The following ENTREP2 variants were observed in gnomAD, a reference collection of about 807,000 sequenced individuals.
The protein encoded by ENTREP2 is protein ENTREP2.
the ENTREP2 span, among the ~76,000 whole-genome samples, chr15:29,128,205 C>T: frequency 0.023 from 3,450 of 152,288 alleles, 134 homozygotes; most frequent in African/African-American, 0.078. Context: ...ACTTGGCCTC[C>T]GTGCCCTTTC....
the ENTREP2 span, among the ~76,000 whole-genome samples, chr15:29,647,992 C>A: frequency 6.6e-6 from 1 of 152,172 alleles, no homozygotes; most frequent in African/African-American, 2.4e-5. Flanking sequence ...CCTCCATGAA[C>A]TTAACAAAAA....
chr15:29,219,111 A>C, the ENTREP2 span, among the ~76,000 whole-genome samples: 4 of 130,140 alleles, frequency 3.1e-5, no homozygotes, highest in African/African-American at 1.0e-4. Flanking sequence ...CAAATCAGTA[A>C]GAAAAAAAAA....
chr15:29,646,934 T>A, the ENTREP2 span, among the ~76,000 whole-genome samples: 1 of 152,202 alleles, frequency 6.6e-6, no homozygotes, highest in Non-Finnish European at 1.5e-5. Context: ...CCCACTTCTC[T>A]ATCCATTGCC....
the ENTREP2 span, among the ~76,000 whole-genome samples, chr15:29,181,272 G>A: frequency 3.3e-5 from 5 of 152,058 alleles, no homozygotes; most frequent in African/African-American, 1.2e-4. Context: ...ACTATCTACT[G>A]ACTGCAAAAG....
At chr15:29,637,079 C>G in the ENTREP2 span, among the ~76,000 whole-genome samples, 1 of 152,270 alleles carries the variant, frequency 6.6e-6, no homozygotes, top group Admixed American at 6.5e-5. Flanking sequence ...CCTCATACAG[C>G]AGAGTCACTG....
At chr15:29,354,421 G>C in the ENTREP2 span, among the ~76,000 whole-genome samples, 3 of 152,222 alleles carry the variant, frequency 2.0e-5, no homozygotes, top group African/African-American at 7.2e-5. Context: ...TGTTTCTCTG[G>C]AGAGTCCTCC....
the ENTREP2 span, among the ~76,000 whole-genome samples, chr15:29,541,509 C>T: frequency 6.6e-6 from 1 of 152,094 alleles, no homozygotes; most frequent in Non-Finnish European, 1.5e-5. Flanking sequence ...GGGAGAGGGG[C>T]CAGCCATCCA....
At chr15:29,495,876 T>C in the ENTREP2 span, among the ~76,000 whole-genome samples, 1 of 152,154 alleles carries the variant, frequency 6.6e-6, no homozygotes, top group Non-Finnish European at 1.5e-5. Flanking sequence ...TGTTAAAAAT[T>C]GCTTGGGCTA....
the ENTREP2 span, among the ~76,000 whole-genome samples, chr15:29,183,835 G>A: frequency 6.6e-6 from 1 of 152,202 alleles, no homozygotes; most frequent in East Asian, 1.9e-4. Flanking sequence ...GGCAGTGGAG[G>A]GGACTCAGAT....
chr15:29,622,691 T>TC, the ENTREP2 span, among the ~76,000 whole-genome samples: 1 of 152,172 alleles, frequency 6.6e-6, no homozygotes, highest in Admixed American at 6.5e-5. Flanking sequence ...GCCTCTCCTC[T>TC]CCAATTGTTT....
the ENTREP2 span, among the ~76,000 whole-genome samples, chr15:29,492,554 A>G: frequency 1.3e-5 from 2 of 152,236 alleles, no homozygotes; most frequent in East Asian, 1.9e-4. Context: ...TGAGGACTCA[A>G]TAGGAAGGTT....
chr15:29,360,879 T>C, the ENTREP2 span, among the ~76,000 whole-genome samples: 1 of 152,200 alleles, frequency 6.6e-6, no homozygotes, highest in Non-Finnish European at 1.5e-5. Flanking sequence ...CTGAGCCGCC[T>C]TGGGGCAGTC....
the ENTREP2 span, among the ~76,000 whole-genome samples, chr15:29,473,798 C>T: frequency 2.6e-5 from 4 of 152,198 alleles, no homozygotes; most frequent in African/African-American, 7.2e-5. Flanking sequence ...CTCAGGGCCC[C>T]GGCCGCAGCC....
At chr15:29,531,617 T>A in the ENTREP2 span, among the ~76,000 whole-genome samples, 6 of 152,256 alleles carry the variant, frequency 3.9e-5, no homozygotes, top group Admixed American at 1.3e-4. Context: ...GTACAATTTG[T>A]ACAACTGCAC....
chr15:29,186,137 A>G, the ENTREP2 span, among the ~76,000 whole-genome samples: 2 of 152,066 alleles, frequency 1.3e-5, no homozygotes, highest in Non-Finnish European at 2.9e-5. Context: ...GGGTCTACTA[A>G]TATCTATGCT....
At chr15:29,342,037 G>C in the ENTREP2 span, among the ~76,000 whole-genome samples, 233 of 152,330 alleles carry the variant, frequency 1.5e-3, 2 homozygotes, top group African/African-American at 5.1e-3. Context: ...GGGTAATGTT[G>C]CAAGTAGAAA....
At chr15:29,135,333 C>T in the ENTREP2 span, among the ~76,000 whole-genome samples, 1 of 152,228 alleles carries the variant, frequency 6.6e-6, no homozygotes, top group South Asian at 2.1e-4. This position sits in a 1 kb window ranked among gnomAD's most constrained non-coding sequence, Gnocchi z 7.4. Flanking sequence ...ATATGTTTTC[C>T]AGTCGTTTGC....
chr15:29,136,651 G>T, the ENTREP2 span: 1 of 803,320 alleles, frequency 1.2e-6, no homozygotes, highest in African/African-American at 1.8e-5. Flanking sequence ...GTCACTGGGC[G>T]ATTTGCACTT....
the ENTREP2 span, among the ~76,000 whole-genome samples, chr15:29,489,862 C>G: frequency 1.3e-5 from 2 of 152,200 alleles, no homozygotes; most frequent in Non-Finnish European, 2.9e-5. Context: ...GCTGTGCTGA[C>G]ACAGGTCTCG....
Sources: allele counts gnomAD v4.1 joint callset (sites outside exome capture counted in the v4.1 genomes callset), GRCh38; gene constraint gnomAD v4.1.1; non-coding constraint Gnocchi (gnomAD v3.1); transcripts MANE v1.5; gene names NCBI Gene and HGNC (gene_info 2026-07-23, HGNC 2026-07-21).